RIN2: variants seen among roughly 807,000 people sequenced by gnomAD.
RIN2 encodes the protein RAB5 interacting protein 2.
RIN2 carries 36 observed loss-of-function variants against 78.0 expected under a neutral mutation model. The observed-to-expected ratio is 0.46, with a 90% CI of 0.35 to 0.61. RIN2 has a LOEUF of 0.61. Ranked by LOEUF, RIN2 falls within the 20% of genes least tolerant of loss-of-function variation. RIN2 has a pLI of 0.00. For missense variants in RIN2, 1,087 were observed against 1,159.7 expected (o/e 0.94, Z 0.91); for synonymous variants, 466 against 466.8 (o/e 1.00, Z 0.02).
intron 5 of RIN2, among the ~76,000 whole-genome samples, 187 bp from the exon 6 acceptor site, chr20:19,960,513 G>A (rs753387654): frequency 3.9e-5 from 6 of 152,200 alleles, no homozygotes; most frequent in Non-Finnish European, 8.8e-5. Flanking sequence ...TTTGGAGGCA[G>A]TAATGAACAA....
chr20:19,839,805 A>C (rs1254992326), intron 2 of RIN2, among the ~76,000 whole-genome samples: 1 of 152,180 alleles, frequency 6.6e-6, no homozygotes, highest in Non-Finnish European at 1.5e-5. Flanking sequence ...CTTGGCTTCA[A>C]ATCCAATGGG....
chr20:19,864,120 T>C (rs1453057603), intron 2 of RIN2, among the ~76,000 whole-genome samples: 1 of 151,460 alleles, frequency 6.6e-6, no homozygotes, highest in African/African-American at 2.4e-5. Context: ...AATGGAGGGA[T>C]CAATTAGAAA....
intron 3 of RIN2, among the ~76,000 whole-genome samples, chr20:19,926,805 A>C (rs547340140): frequency 6.6e-6 from 1 of 152,236 alleles, no homozygotes; most frequent in Admixed American, 6.5e-5. Flanking sequence ...CACTGATAAC[A>C]TTCCTGAATG....
At chr20:19,965,122 T>A in intron 7 of RIN2, 98 bp downstream of exon 7, 1 of 951,400 alleles carries the variant, frequency 1.1e-6, no homozygotes. Context: ...GCTGGCCACC[T>A]ATTTGATGTT....
At chr20:19,985,246 G>A (rs2042587100) in intron 9 of RIN2, among the ~76,000 whole-genome samples, 1 of 152,182 alleles carries the variant, frequency 6.6e-6, no homozygotes, top group African/African-American at 2.4e-5. Context: ...AAAGGGTCAA[G>A]GTTTCTGTCT....
intron 3 of RIN2, among the ~76,000 whole-genome samples, chr20:19,901,380 G>T (rs2038976017): frequency 7.0e-6 from 1 of 142,404 alleles, no homozygotes; most frequent in African/African-American, 2.6e-5. Flanking sequence ...CATCCTCAGA[G>T]GCAGGGTGAC....
chr20:19,934,470 C>T, intron 3 of RIN2: 1 of 985,204 alleles, frequency 1.0e-6, no homozygotes, highest in Non-Finnish European at 1.2e-6. Flanking sequence ...CGCCTTTTCC[C>T]CTAGATGGCC....
At chr20:19,886,638 T>C in intron 2 of RIN2, 1 of 919,312 alleles carries the variant, frequency 1.1e-6, no homozygotes, top group Non-Finnish European at 1.7e-6. Flanking sequence ...TTTTGCTAGC[T>C]TTTAGCTAGT....
chr20:19,868,413 T>C (rs752146836), intron 2 of RIN2, among the ~76,000 whole-genome samples: 14 of 152,264 alleles, frequency 9.2e-5, no homozygotes, highest in African/African-American at 2.7e-4. Flanking sequence ...ATGTATTTTA[T>C]TGGACAACGT....
chr20:19,852,804 T>C (rs967890955), intron 2 of RIN2, among the ~76,000 whole-genome samples: 3 of 152,222 alleles, frequency 2.0e-5, no homozygotes, highest in Admixed American at 1.3e-4. Flanking sequence ...ACCTAGTCAC[T>C]TAAGACTGTC....
intron 3 of RIN2, among the ~76,000 whole-genome samples, chr20:19,897,796 G>A (rs1433584684): frequency 1.3e-5 from 2 of 151,650 alleles, no homozygotes; most frequent in African/African-American, 4.8e-5. Flanking sequence ...ACTGCAGCCT[G>A]GAACTCCTGG....
At chr20:19,995,720 A>G (rs528224343) in intron 11 of RIN2, among the ~76,000 whole-genome samples, 3 of 152,322 alleles carry the variant, frequency 2.0e-5, no homozygotes, top group African/African-American at 7.2e-5. Context: ...AGGGAGAGAA[A>G]TTATTTTTGA....
chr20:19,766,232 C>G (rs1027103458), intron 1 of RIN2, among the ~76,000 whole-genome samples: 1 of 152,118 alleles, frequency 6.6e-6, no homozygotes, highest in African/African-American at 2.4e-5. Flanking sequence ...ACACCTCATA[C>G]CCTAGTTTTC....
At chr20:19,785,023 T>C (rs1384284333) in intron 1 of RIN2, among the ~76,000 whole-genome samples, 2 of 152,086 alleles carry the variant, frequency 1.3e-5, no homozygotes, top group Non-Finnish European at 2.9e-5. Context: ...CTTCCCCTCT[T>C]CCAGAGTAAG....
At chr20:19,951,059 C>T (rs919703790) in intron 4 of RIN2, among the ~76,000 whole-genome samples, 1 of 151,880 alleles carries the variant, frequency 6.6e-6, no homozygotes, top group Non-Finnish European at 1.5e-5. Flanking sequence ...CTGGCTAATT[C>T]TTTTCTGTAT....
chr20:19,862,508 G>A (rs578154682), intron 2 of RIN2, among the ~76,000 whole-genome samples: 5 of 152,240 alleles, frequency 3.3e-5, no homozygotes, highest in East Asian at 3.9e-4. Context: ...CAGGAGAATC[G>A]CTTAAACTCG....
chr20:19,964,276 G>A (rs113282669), intron 6 of RIN2, among the ~76,000 whole-genome samples: 2 of 149,816 alleles, frequency 1.3e-5, no homozygotes. Context: ...AAGTGAGAGA[G>A]AGAGAAAAAA....
chr20:19,813,738 T>C (rs979206114), intron 2 of RIN2, among the ~76,000 whole-genome samples: 2 of 152,212 alleles, frequency 1.3e-5, no homozygotes, highest in Non-Finnish European at 2.9e-5. Flanking sequence ...AAATGAAAAG[T>C]TATTTTAAAT....
In RIN2 at chr20:19,818,262, A is replaced by G. The variant is rs147678782; in HGVS notation, c.-37+18515A>G. Among the ~76,000 whole-genome samples, 946 of 152,346 alleles carry G rather than the reference A, an allele frequency of 6.2e-3. 8 individuals are homozygous for G. Among genetic ancestry groups the G allele is most frequent in the Admixed American group, 9.7e-3 (148 of 15,308 alleles). ...TATAATCTTATGGCACCACCATTGT[A>G]TATACAGTCCATCATTAACTGAAAT... On this transcript the variant is annotated intron_variant, in intron 2 of 12. Coordinates refer to ENST00000255006, the MANE Select transcript of RIN2 (RefSeq NM_018993.4).
Sources: gnomAD v4.1 joint callset for allele counts (sites outside exome capture counted in the v4.1 genomes callset) on GRCh38, gnomAD v4.1.1 for gene constraint, MANE v1.5 for transcripts, NCBI Gene and HGNC (gene_info 2026-07-23, HGNC 2026-07-21) for gene names.